Variants in TMEM135 observed in about 807,000 individuals in gnomAD.
TMEM135 encodes peroxisomal membrane protein 52.
TMEM135 carries 30 observed loss-of-function variants against 60.3 expected under a neutral mutation model. The ratio of observed to expected loss-of-function variants is 0.50; its 90% CI spans 0.37 to 0.68. The LOEUF is 0.68. Among genes scored for constraint, TMEM135 ranks in the 30% least tolerant of loss-of-function variants. TMEM135 has a pLI of 0.00. For missense variants in TMEM135, 468 were observed against 548.8 expected, an observed-to-expected ratio of 0.85 and a Z score of 1.47; for synonymous variants, 190 against 186.7, an observed-to-expected ratio of 1.02 and a Z score of -0.14.
At chr11:87,299,041 T>C (rs148706262) in intron 7 of TMEM135, among the ~76,000 whole-genome samples, 3,515 of 152,220 alleles carry the variant, frequency 0.023, 66 homozygotes, top group Non-Finnish European at 0.035. Context: ...TGAGCCGAGA[T>C]TGCGCCACTG....
At chr11:87,185,913 CTT>C (rs367985910) in intron 5 of TMEM135, among the ~76,000 whole-genome samples, 1 of 138,846 alleles carries the variant, frequency 7.2e-6, no homozygotes. Context: ...AGTTATCCTT[CTT>C]TTTTTTTTGT....
rs1237524207 is a variant in TMEM135, at chr11:87,321,493, C to A, written c.*160C>A. 5 of 829,462 alleles carry A rather than the reference C, an allele frequency of 6.0e-6. No homozygotes were observed. The Admixed American group carries it at 1.0e-4, about 17-fold the overall frequency. The allele number at this position is 829,462 out of a possible 1,614,324, so 51.4% of individuals were successfully genotyped here. A position where few individuals can be genotyped will look rare whatever the true frequency, so the allele number is the denominator to read the frequency against. On this transcript the variant is annotated 3_prime_UTR_variant, in exon 15 of 15. Coordinates refer to ENST00000305494, the MANE Select transcript of TMEM135 (RefSeq NM_022918.4). ...TTCTTATGAATCAGAAATTCAGAAG[C>A]TTTTTAGGAAGATGTTGCTTAATAA...
At position 87,328,548 on chromosome 11, in the gene TMEM135, T is replaced by C. The variant is rs1345882910; in HGVS notation, c.*7215T>C. 1 of 454,106 alleles carries C rather than the reference T, an allele frequency of 2.2e-6. No homozygotes were observed. Among genetic ancestry groups the C allele is most frequent in the East Asian group, 7.0e-5 (1 of 14,388 alleles). 28.1% of individuals were successfully genotyped at this position (454,106 alleles called of 1,614,324 possible). A position where few individuals can be genotyped will look rare whatever the true frequency, so the allele number is the denominator to read the frequency against. The stretch of plus-strand genomic sequence containing the variant: ...TCCATTATATCACTCTGTATACCCT[T>C]GTGTATCCATAGCTTAGCTCCCACT... On this transcript the variant is annotated 3_prime_UTR_variant, in exon 15 of 15. Transcript: ENST00000305494.
At chr11:87,189,872 A>G (rs2135315133) in intron 5 of TMEM135, among the ~76,000 whole-genome samples, 1 of 152,126 alleles carries the variant, frequency 6.6e-6, no homozygotes, top group South Asian at 2.1e-4. Context: ...AGCCTTGATC[A>G]TGCTTTGCAT....
intron 7 of TMEM135, among the ~76,000 whole-genome samples, chr11:87,300,984 C>CTT (rs1942437215): frequency 6.6e-6 from 1 of 152,076 alleles, no homozygotes; most frequent in Non-Finnish European, 1.5e-5. Flanking sequence ...ATAGTTTTAC[C>CTT]CTTGTTGCTG....
chr11:87,059,441 A>G (rs1949925084), intron 1 of TMEM135, among the ~76,000 whole-genome samples: 1 of 151,714 alleles, frequency 6.6e-6, no homozygotes, highest in African/African-American at 2.4e-5. Context: ...TCAGCCTCAC[A>G]AGTAGCTGGG....
chr11:87,103,186 C>T (rs1198919307), intron 4 of TMEM135, among the ~76,000 whole-genome samples: 2 of 152,172 alleles, frequency 1.3e-5, no homozygotes, highest in Non-Finnish European at 2.9e-5. Context: ...TGGATACATA[C>T]TCAGAAGTGG....
At chr11:87,249,371 G>A (rs1350551038) in intron 6 of TMEM135, among the ~76,000 whole-genome samples, 1 of 152,000 alleles carries the variant, frequency 6.6e-6, no homozygotes, top group African/African-American at 2.4e-5. Context: ...GTTTTTCATA[G>A]TTTATATGAT....
intron 6 of TMEM135, among the ~76,000 whole-genome samples, chr11:87,281,113 T>A (rs975578035): frequency 2.3e-4 from 35 of 152,316 alleles, no homozygotes; most frequent in African/African-American, 7.7e-4. Flanking sequence ...AACTTTATAT[T>A]AAGGATGATC....
intron 1 of TMEM135, among the ~76,000 whole-genome samples, chr11:87,039,998 T>G (rs1949737081): frequency 6.6e-6 from 1 of 152,172 alleles, no homozygotes; most frequent in Non-Finnish European, 1.5e-5. Flanking sequence ...TACTACTATA[T>G]CTCCAACAAG....
intron 5 of TMEM135, among the ~76,000 whole-genome samples, chr11:87,186,412 A>C (rs1421320950): frequency 6.6e-6 from 1 of 152,164 alleles, no homozygotes; most frequent in Admixed American, 6.5e-5. Context: ...TTTTTAACTT[A>C]TATAGTGTTT....
Position 87,324,129 on chromosome 11 carries a change from T to A in TMEM135, c.*2796T>A. 2.2e-6 allele frequency: 1 copy of A among 454,094 alleles called. No individual in the cohort carries two copies. Among genetic ancestry groups the A allele is most frequent in the South Asian group, 1.6e-5 (1 of 64,480 alleles). The allele number at this position is 454,094 out of a possible 1,614,324, so 28.1% of individuals were successfully genotyped here. On this transcript the variant is annotated 3_prime_UTR_variant, in exon 15 of 15. Coordinates refer to ENST00000305494, the MANE Select transcript of TMEM135 (RefSeq NM_022918.4). The stretch of plus-strand genomic sequence containing the variant: ...CTCGAGTGTTCGTCTCCTTGTAGAT[T>A]GTATCTAGGCTAACATTTCATTTAG...
At chr11:87,216,460 A>G (rs1229074904) in intron 5 of TMEM135, among the ~76,000 whole-genome samples, 1 of 151,946 alleles carries the variant, frequency 6.6e-6, no homozygotes, top group Non-Finnish European at 1.5e-5. Flanking sequence ...GATATTCTTC[A>G]TGTATTCCCA....
chr11:87,285,171 T>C (rs2135423913), intron 6 of TMEM135, among the ~76,000 whole-genome samples: 1 of 152,362 alleles, frequency 6.6e-6, no homozygotes. Context: ...GTTGATCATG[T>C]GTCAAATACT....
chr11:87,211,622 G>T (rs1940371575), intron 5 of TMEM135, among the ~76,000 whole-genome samples: 1 of 152,162 alleles, frequency 6.6e-6, no homozygotes, highest in Non-Finnish European at 1.5e-5. Context: ...AAAGAGAACA[G>T]CAAAACAGAT....
intron 6 of TMEM135, among the ~76,000 whole-genome samples, chr11:87,272,211 A>G (rs4944691): frequency 0.36 from 53,390 of 150,118 alleles, 9,957 homozygotes; most frequent in Non-Finnish European, 0.42. Flanking sequence ...CCGCCACCAC[A>G]CCCAGCTGAT....
chr11:87,307,099 C>T (rs1012076392), intron 9 of TMEM135, among the ~76,000 whole-genome samples: 2 of 152,104 alleles, frequency 1.3e-5, no homozygotes, highest in African/African-American at 4.8e-5. Context: ...TTAGTCTCTA[C>T]TCAGTTGATG....
rs1942874488 is a variant in TMEM135, at chr11:87,324,047, G to A, written c.*2714G>A. On this transcript the variant is annotated 3_prime_UTR_variant, in exon 15 of 15. Coordinates refer to ENST00000305494, the MANE Select transcript of TMEM135 (RefSeq NM_022918.4). ...AATGAACTTTTATTAGACTGAACAT[G>A]TATGTTTTTGATGGAATCCAAACTG... is the stretch of plus-strand genomic sequence containing the variant. The A allele has an allele frequency of 2.2e-6, 1 of 453,892 alleles. No homozygotes were observed. The highest frequency in any genetic ancestry group is 2.4e-5 in the Admixed American group (1 of 42,548). 28.1% of individuals were successfully genotyped at this position (453,892 alleles called of 1,614,324 possible). A position where few individuals can be genotyped will look rare whatever the true frequency, so the allele number is the denominator to read the frequency against.
intron 1 of TMEM135, among the ~76,000 whole-genome samples, chr11:87,059,925 A>C (rs2513206): frequency 0.68 from 103,782 of 152,052 alleles, 37,056 homozygotes; most frequent in East Asian, 0.88. Context: ...ACCAGCCTGC[A>C]TAAAATGGTG....
Sources: gnomAD v4.1 joint callset for allele counts (sites outside exome capture counted in the v4.1 genomes callset) on GRCh38, gnomAD v4.1.1 for gene constraint, MANE v1.5 for transcripts, NCBI Gene and HGNC (gene_info 2026-07-23, HGNC 2026-07-21) for gene names.